The following AGK variants were observed in gnomAD, a reference collection of about 807,000 sequenced individuals.
The protein encoded by AGK is acylglycerol kinase, mitochondrial.
A neutral mutation model predicts 66.4 loss-of-function variants in AGK; 52 were observed. The ratio of observed to expected loss-of-function variants is 0.78; its 90% CI spans 0.63 to 0.99. AGK has a LOEUF of 0.99. Ranked by LOEUF, AGK falls within the 50% of genes least tolerant of loss-of-function variation. The pLI is 0.00. For missense variants in AGK, 451 were observed against 506.6 expected, an observed-to-expected ratio of 0.89 and a Z score of 1.05; for synonymous variants, 182 against 181.1, an observed-to-expected ratio of 1.00 and a Z score of -0.04.
intron 2 of AGK, among the ~76,000 whole-genome samples, chr7:141,577,614 G>A (rs149057476): frequency 1.1e-3 from 162 of 152,164 alleles, no homozygotes; most frequent in Middle Eastern, 6.8e-3. Flanking sequence ...CCTGCCTTGC[G>A]GACTGAATTC....
At chr7:141,571,557 A>G (rs1293955212) in intron 2 of AGK, among the ~76,000 whole-genome samples, 1 of 152,188 alleles carries the variant, frequency 6.6e-6, no homozygotes, top group African/African-American at 2.4e-5. Flanking sequence ...AGAGGCATAT[A>G]TTGTCTAGGT....
intron 6 of AGK, among the ~76,000 whole-genome samples, chr7:141,612,256 T>G (rs1267031388): frequency 6.6e-6 from 1 of 152,150 alleles, no homozygotes; most frequent in Non-Finnish European, 1.5e-5. Flanking sequence ...TCCGACAATT[T>G]GATATCTGGA....
intron 13 of AGK, among the ~76,000 whole-genome samples, chr7:141,644,137 G>A (rs889211467): frequency 2.6e-5 from 4 of 151,674 alleles, no homozygotes; most frequent in African/African-American, 9.7e-5. Flanking sequence ...ATTTAAAAGA[G>A]AAAGATAAAA....
intron 13 of AGK, among the ~76,000 whole-genome samples, chr7:141,645,277 T>G (rs1797386203): frequency 6.6e-6 from 1 of 152,154 alleles, no homozygotes; most frequent in Admixed American, 6.5e-5. Context: ...GCTGGATATA[T>G]TCCCAGTTAT....
rs138863052 is a variant in AGK at position 141,641,131 on chromosome 7, AT to A, written c.727-115del. ...CTAGCATTCCATCCAGTGAGAGGAG[AT>A]TATTAGTTCACTTTCTAGCAGGTAT... is the stretch of plus-strand genomic sequence containing the variant. On this transcript the variant is annotated intron_variant, in intron 11 of 15. Transcript: ENST00000649286. The A allele has an allele frequency of 3.9e-4, 343 of 875,784 alleles. 1 individual carries two copies. The East Asian group carries it at 8.6e-3, about 22-fold the overall frequency. The allele number at this position is 875,784 out of a possible 1,614,324, so 54.3% of individuals were successfully genotyped here.
chr7:141,606,660 A>G (rs1796466327), intron 5 of AGK, among the ~76,000 whole-genome samples: 1 of 152,146 alleles, frequency 6.6e-6, no homozygotes, highest in Admixed American at 6.5e-5. Context: ...TATTAACTCA[A>G]GTCCATAGTT....
chr7:141,594,690 T>C (rs1452037391), intron 3 of AGK, among the ~76,000 whole-genome samples: 1 of 151,986 alleles, frequency 6.6e-6, no homozygotes, highest in East Asian at 1.9e-4. Context: ...TCTCGCCCTG[T>C]TGCCCAGGCT....
intron 12 of AGK, 53 bp downstream of exon 12, chr7:141,641,451 C>A: frequency 6.4e-7 from 1 of 1,552,326 alleles, no homozygotes; most frequent in Non-Finnish European, 8.7e-7. Context: ...TTAGAAGTGC[C>A]CTAAAGTAGA....
At chr7:141,567,497 A>G (rs1440623836) in intron 2 of AGK, among the ~76,000 whole-genome samples, 1 of 152,136 alleles carries the variant, frequency 6.6e-6, no homozygotes, top group Non-Finnish European at 1.5e-5. Flanking sequence ...TTTCAAAGAA[A>G]AAAAAGTCTG....
At chr7:141,594,434 A>G (rs897014192) in intron 3 of AGK, among the ~76,000 whole-genome samples, 7 of 151,962 alleles carry the variant, frequency 4.6e-5, no homozygotes, top group Non-Finnish European at 8.8e-5. Flanking sequence ...CTCGTGTTCC[A>G]CCTGCCTTGG....
chr7:141,558,009 C>T (rs1795250003), intron 2 of AGK, among the ~76,000 whole-genome samples: 1 of 152,170 alleles, frequency 6.6e-6, no homozygotes, highest in Non-Finnish European at 1.5e-5. Flanking sequence ...ATTCCCGCCC[C>T]AACCCAGCTG....
intron 14 of AGK, 115 bp downstream of exon 14, chr7:141,649,448 G>A: frequency 1.3e-6 from 1 of 771,134 alleles, no homozygotes. Context: ...TCTTGTTTGG[G>A]AATTTCGATG....
chr7:141,554,129 CA>C (rs1795158203), intron 1 of AGK, among the ~76,000 whole-genome samples: 2 of 151,956 alleles, frequency 1.3e-5, no homozygotes, highest in Middle Eastern at 3.4e-3. Flanking sequence ...TGCTTGAGGC[CA>C]GGAGTTTGAG....
chr7:141,594,841 C>T (rs972683209), intron 3 of AGK, among the ~76,000 whole-genome samples: 14 of 151,802 alleles, frequency 9.2e-5, no homozygotes, highest in South Asian at 2.1e-4. Context: ...TTAGTAGAGA[C>T]GGGGTTTCAC....
intron 10 of AGK, among the ~76,000 whole-genome samples, chr7:141,634,276 T>C (rs528958727): frequency 9.8e-5 from 15 of 152,330 alleles, no homozygotes; most frequent in African/African-American, 3.1e-4. Flanking sequence ...CAAGCTAGGC[T>C]GTAGGGAGAA....
chr7:141,568,505 C>T (rs1041164574), intron 2 of AGK, among the ~76,000 whole-genome samples: 1 of 152,036 alleles, frequency 6.6e-6, no homozygotes, highest in African/African-American at 2.4e-5. Context: ...TCCTTTGGCT[C>T]AGTGCTTCTG....
intron 13 of AGK, among the ~76,000 whole-genome samples, chr7:141,647,514 C>T (rs566387050): frequency 6.6e-4 from 101 of 152,278 alleles, no homozygotes; most frequent in Non-Finnish European, 1.3e-3. Flanking sequence ...GTGGATTGCT[C>T]ATCCCCGGAT....
At chr7:141,562,274 T>G (rs4548091) in intron 2 of AGK, among the ~76,000 whole-genome samples, 152,354 of 152,356 alleles carry the variant, frequency 1, 76,176 homozygotes, top group Non-Finnish European at 1. Flanking sequence ...TGCGGTAATG[T>G]CCTGAGTTGG....
chr7:141,568,650 CA>C (rs1316307222), intron 2 of AGK, among the ~76,000 whole-genome samples: 2 of 151,728 alleles, frequency 1.3e-5, no homozygotes, highest in Non-Finnish European at 2.9e-5. Context: ...TGGCTCACTG[CA>C]ACCTCCACCT....
Sources: allele counts gnomAD v4.1 joint callset (sites outside exome capture counted in the v4.1 genomes callset), GRCh38; gene constraint gnomAD v4.1.1; transcripts MANE v1.5; gene names NCBI Gene and HGNC (gene_info 2026-07-23, HGNC 2026-07-21).